ASXL2: variants seen among roughly 807,000 people sequenced by gnomAD.
ASXL2 encodes ASXL transcriptional regulator 2.
In ASXL2, 23 loss-of-function variants were observed where a neutral mutation model predicts 122.0. That is an observed-to-expected ratio of 0.19 (90% CI 0.14 to 0.27). The LOEUF (loss-of-function observed/expected upper bound fraction) is 0.27, where lower values mean the gene tolerates loss of function less well. Ranked by LOEUF, ASXL2 falls within the 10% of genes least tolerant of loss-of-function variation. ASXL2 has a pLI of 1.00. For synonymous variants in ASXL2, 650 were observed against 637.0 expected (o/e 1.02, Z -0.31); for missense variants, 1,518 against 1,713.8 (o/e 0.89, Z 2.02).
At position 25,737,117 on chromosome 2, in the gene ASXL2, T is replaced by A. The variant is rs1230696625; in HGVS notation, c.*4912A>T. ...AGAACCTAATCAAGGCACAGGTGTTTCTCTTCACATTATTTTCCTTGCTCT... is the reference window on the plus strand; with the variant it reads ...AGAACCTAATCAAGGCACAGGTGTTACTCTTCACATTATTTTCCTTGCTCT... On this transcript the variant is annotated 3_prime_UTR_variant, in exon 13 of 13. Transcript: ENST00000435504. The A allele has an allele frequency of 2.6e-5, 4 of 152,062 alleles. No homozygotes were observed. In the South Asian group the frequency reaches 8.3e-4, roughly 32 times the overall value. The allele number at this position is 152,062 out of a possible 1,614,324, so 9.4% of individuals were successfully genotyped here.
intron 12 of ASXL2, among the ~76,000 whole-genome samples, chr2:25,748,410 G>A (rs899806042): frequency 6.7e-6 from 1 of 149,864 alleles, no homozygotes; most frequent in Non-Finnish European, 1.5e-5. Context: ...GGAGGCTGAG[G>A]CAGGAGAATC....
At chr2:25,801,613 A>T (rs1220855218) in intron 4 of ASXL2, among the ~76,000 whole-genome samples, 1 of 151,094 alleles carries the variant, frequency 6.6e-6, no homozygotes, top group Admixed American at 6.6e-5. Flanking sequence ...TGAAATATAA[A>T]TATAATTATC....
intron 1 of ASXL2, chr2:25,856,750 G>C (rs540604486): frequency 2.3e-6 from 3 of 1,305,718 alleles, no homozygotes; most frequent in East Asian, 4.7e-5. Context: ...TTCAGCAGCA[G>C]ACAGCTGCAG....
intron 7 of ASXL2, 71 bp downstream of exon 7, chr2:25,768,671 A>G (rs1456167527): frequency 1.3e-6 from 2 of 1,527,966 alleles, no homozygotes; most frequent in Non-Finnish European, 1.8e-6. Flanking sequence ...TGTCATAAAC[A>G]AATCAGGAAA....
intron 8 of ASXL2, 28 bp downstream of exon 8, chr2:25,767,555 A>G: frequency 6.2e-7 from 1 of 1,602,860 alleles, no homozygotes; most frequent in Non-Finnish European, 8.5e-7. Context: ...ATGGCAATGA[A>G]AACTGAAGTC....
chr2:25,869,820 A>G (rs962060549), intron 1 of ASXL2, among the ~76,000 whole-genome samples: 2 of 152,114 alleles, frequency 1.3e-5, no homozygotes, highest in African/African-American at 4.8e-5. Flanking sequence ...TGTTTCAAAA[A>G]AAAAAGTGAA....
chr2:25,771,435 C>T lies in ASXL2; in HGVS notation c.504+5G>A, dbSNP rs1243136409. On this transcript the variant is annotated splice_donor_5th_base_variant and intron_variant, in intron 6 of 12. Coordinates refer to ENST00000435504, the MANE Select transcript of ASXL2 (RefSeq NM_018263.6). ...ACTTGATAAATACAGACTAGCAATG[C>T]TTACCTGCTTTAGTGCCTTCTTGCT... 3 of 1,606,408 alleles carry T rather than the reference C, an allele frequency of 1.9e-6. No individual in the cohort carries two copies. The highest frequency in any genetic ancestry group is 2.6e-6 in the Non-Finnish European group (3 of 1,173,834).
chr2:25,781,473 C>A lies in ASXL2; in HGVS notation c.404-9933G>T, dbSNP rs568562406. Among the ~76,000 whole-genome samples, 5 of 150,816 alleles carry A rather than the reference C, an allele frequency of 3.3e-5. No homozygotes were observed. The East Asian group carries it at 9.8e-4, about 30-fold the overall frequency. On this transcript the variant is annotated intron_variant, in intron 5 of 12. Transcript: ENST00000435504. Reference sequence around the variant, plus strand: ...TTGATGTTGTTACCGCAAATATATTCTTTTTCATTATTATTTATGTACATG... The same window carrying A: ...TTGATGTTGTTACCGCAAATATATTATTTTTCATTATTATTTATGTACATG...
intron 2 of ASXL2, among the ~76,000 whole-genome samples, chr2:25,837,077 AG>A (rs1415852319): frequency 1.6e-4 from 2 of 12,260 alleles, no homozygotes; most frequent in East Asian, 2.8e-3. Context: ...GAAACTCCAA[AG>A]GGGGGTGGGG....
chr2:25,798,743 C>G (rs1348179818), intron 5 of ASXL2, among the ~76,000 whole-genome samples: 3 of 152,016 alleles, frequency 2.0e-5, no homozygotes, highest in Non-Finnish European at 4.4e-5. Flanking sequence ...CAGCCAGGGC[C>G]ACAAGAGTGG....
chr2:25,834,961 T>G (rs1011130658), intron 3 of ASXL2, among the ~76,000 whole-genome samples: 2 of 152,084 alleles, frequency 1.3e-5, no homozygotes, highest in Non-Finnish European at 2.9e-5. Context: ...TAGCTGGGAT[T>G]ACGGGCGCCG....
intron 3 of ASXL2, among the ~76,000 whole-genome samples, chr2:25,807,372 G>A (rs2089098393): frequency 6.6e-6 from 1 of 152,200 alleles, no homozygotes; most frequent in Non-Finnish European, 1.5e-5. Flanking sequence ...TTGGTACTGT[G>A]AAAGTGTCCA....
rs559994649 is a variant in ASXL2, at chr2:25,853,984, G to A, written c.58-8421C>T. Among the ~76,000 whole-genome samples the A allele has an allele frequency of 2.4e-4, 36 of 152,244 alleles. No individual in the cohort carries two copies. The South Asian group carries it at 5.8e-3, about 25-fold the overall frequency. On this transcript the variant is annotated intron_variant, in intron 1 of 12. Transcript: ENST00000435504. ...TGCAAATAAATTTACAGATTTGGGCGCAGAAACTTGAGTGTAAAAGTAGCT... is the reference window on the plus strand; with the variant it reads ...TGCAAATAAATTTACAGATTTGGGCACAGAAACTTGAGTGTAAAAGTAGCT...
intron 1 of ASXL2, among the ~76,000 whole-genome samples, chr2:25,859,971 C>T (rs2089824769): frequency 6.6e-6 from 1 of 150,782 alleles, no homozygotes; most frequent in Non-Finnish European, 1.5e-5. Flanking sequence ...ATTGCTTGAG[C>T]TCAGGAGTTT....
intron 1 of ASXL2, among the ~76,000 whole-genome samples, chr2:25,872,283 G>A (rs1476892034): frequency 6.6e-6 from 1 of 152,154 alleles, no homozygotes; most frequent in Admixed American, 6.6e-5. Flanking sequence ...TTGGGAGGCT[G>A]AGGCAAGAGG....
intron 4 of ASXL2, among the ~76,000 whole-genome samples, chr2:25,803,957 G>A (rs1262209183): frequency 6.6e-6 from 1 of 152,106 alleles, no homozygotes; most frequent in Non-Finnish European, 1.5e-5. Context: ...GTACTTAACG[G>A]TGTATGAGAA....
chr2:25,809,813 C>A, intron 3 of ASXL2: 1 of 432,128 alleles, frequency 2.3e-6, no homozygotes, highest in Non-Finnish European at 4.5e-6. Flanking sequence ...GAGGTGGGGG[C>A]AGCGAAAGGA....
intron 1 of ASXL2, among the ~76,000 whole-genome samples, chr2:25,862,647 T>C (rs1574453684): frequency 6.6e-6 from 1 of 152,214 alleles, no homozygotes; most frequent in East Asian, 1.9e-4. Context: ...TCGGCCAGGC[T>C]GGAGTGCAGT....
rs2087720550 is a variant in ASXL2 at position 25,735,409 on chromosome 2, C to G, written c.*6620G>C. The G allele has an allele frequency of 6.6e-6, 1 of 152,080 alleles. No homozygotes were observed. Among genetic ancestry groups the G allele is most frequent in the Admixed American group, 6.5e-5 (1 of 15,276 alleles). 9.4% of individuals were successfully genotyped at this position (152,080 alleles called of 1,614,324 possible). A position where few individuals can be genotyped will look rare whatever the true frequency, so the allele number is the denominator to read the frequency against. On this transcript the variant is annotated 3_prime_UTR_variant, in exon 13 of 13. Coordinates refer to ENST00000435504, the MANE Select transcript of ASXL2 (RefSeq NM_018263.6). ...AGTCCTGCTGAAGCCCTTTTTAATT[C>G]AAGTTGTGACTCAAGAGAAAAAAGG...
Sources: allele counts gnomAD v4.1 joint callset (sites outside exome capture counted in the v4.1 genomes callset), GRCh38; gene constraint gnomAD v4.1.1; transcripts MANE v1.5; gene names NCBI Gene and HGNC (gene_info 2026-07-23, HGNC 2026-07-21).